The following CSTPP1 variants were observed in gnomAD, a reference collection of about 807,000 sequenced individuals.
CSTPP1 encodes the protein UPF0705 protein C11orf49.
chr11:46,939,500 A>G, the CSTPP1 span, among the ~76,000 whole-genome samples: 1 of 151,992 alleles, frequency 6.6e-6, no homozygotes, highest in Admixed American at 6.6e-5. Flanking sequence ...GATTCAAAGT[A>G]TTTTTTAGGC....
the CSTPP1 span, chr11:47,161,522 C>T: frequency 4.4e-3 from 7,074 of 1,614,176 alleles, 24 homozygotes; most frequent in Non-Finnish European, 4.7e-3. Flanking sequence ...GGCCAGTTGC[C>T]TGCCTTCCCG....
the CSTPP1 span, among the ~76,000 whole-genome samples, chr11:47,119,416 G>A: frequency 6.6e-6 from 1 of 152,126 alleles, no homozygotes; most frequent in South Asian, 2.1e-4. Flanking sequence ...CTTCCTGGGT[G>A]AGGCGACGCC....
At chr11:47,039,670 C>T in the CSTPP1 span, among the ~76,000 whole-genome samples, 1 of 127,806 alleles carries the variant, frequency 7.8e-6, no homozygotes, top group Non-Finnish European at 1.9e-5. Flanking sequence ...AACCCCGTCT[C>T]TACTAAAAAT....
the CSTPP1 span, chr11:47,161,629 G>T: frequency 6.2e-7 from 1 of 1,611,366 alleles, no homozygotes; most frequent in Non-Finnish European, 8.5e-7. Context: ...CAGACGAGTC[G>T]GAGACTTGAG....
At chr11:47,137,727 C>G in the CSTPP1 span, 1 of 1,614,034 alleles carries the variant, frequency 6.2e-7, no homozygotes, top group Non-Finnish European at 8.5e-7. Flanking sequence ...AGAAAGCAGC[C>G]AGGTACGTCT....
chr11:47,061,309 G>T, the CSTPP1 span, among the ~76,000 whole-genome samples: 10 of 152,266 alleles, frequency 6.6e-5, no homozygotes, highest in Non-Finnish European at 1.3e-4. Context: ...TCAGGGAATT[G>T]CAGTGGGTCT....
At chr11:47,023,160 T>A in the CSTPP1 span, among the ~76,000 whole-genome samples, 1 of 152,126 alleles carries the variant, frequency 6.6e-6, no homozygotes, top group Non-Finnish European at 1.5e-5. Flanking sequence ...ACTCAAAAAG[T>A]TTTTGGTTAT....
the CSTPP1 span, among the ~76,000 whole-genome samples, chr11:46,948,805 A>G: frequency 8.5e-5 from 13 of 152,210 alleles, no homozygotes; most frequent in Non-Finnish European, 5.9e-5. Context: ...CAGTGAACAC[A>G]TGAGCTTAAA....
the CSTPP1 span, chr11:46,987,674 G>T: frequency 5.3e-6 from 1 of 190,128 alleles, no homozygotes; most frequent in Non-Finnish European, 1.1e-5. Flanking sequence ...CTTTTCTCAT[G>T]GAATCTAGGC....
the CSTPP1 span, among the ~76,000 whole-genome samples, chr11:47,136,296 A>G: frequency 1.3e-5 from 2 of 151,870 alleles, no homozygotes; most frequent in African/African-American, 4.8e-5. Context: ...CTTTTTCCTC[A>G]CCCCAAGCCT....
the CSTPP1 span, among the ~76,000 whole-genome samples, chr11:47,149,507 G>T: frequency 7.2e-5 from 11 of 152,222 alleles, no homozygotes; most frequent in African/African-American, 4.8e-5. Flanking sequence ...TGTCTGTGGG[G>T]ATAGAAGGGT....
chr11:47,163,236 C>T, the CSTPP1 span, among the ~76,000 whole-genome samples: 2 of 150,892 alleles, frequency 1.3e-5, no homozygotes, highest in Non-Finnish European at 2.9e-5. Flanking sequence ...CAATGATGCA[C>T]AGCCCATAAG....
At chr11:47,118,113 C>T in the CSTPP1 span, among the ~76,000 whole-genome samples, 29 of 152,172 alleles carry the variant, frequency 1.9e-4, no homozygotes, top group African/African-American at 6.0e-4. Flanking sequence ...CCCCCGACCT[C>T]GTGATCCACC....
chr11:46,944,337 T>C, the CSTPP1 span, among the ~76,000 whole-genome samples: 1 of 144,132 alleles, frequency 6.9e-6, no homozygotes, highest in East Asian at 2.0e-4. Flanking sequence ...AAAAAAAAAA[T>C]TGTGCTTGCC....
At chr11:47,096,951 A>AT in the CSTPP1 span, among the ~76,000 whole-genome samples, 1 of 152,342 alleles carries the variant, frequency 6.6e-6, no homozygotes, top group East Asian at 1.9e-4. Flanking sequence ...TGTCCACAAG[A>AT]TTGAGTACTT....
chr11:47,013,115 CAT>C, the CSTPP1 span, among the ~76,000 whole-genome samples: 559 of 141,942 alleles, frequency 3.9e-3, 5 homozygotes, highest in South Asian at 0.027. Flanking sequence ...ATATAAATAA[CAT>C]ATATAATCAT....
chr11:46,941,809 T>C, the CSTPP1 span, among the ~76,000 whole-genome samples: 3 of 152,316 alleles, frequency 2.0e-5, no homozygotes, highest in East Asian at 1.9e-4. Flanking sequence ...ACTATACTTA[T>C]AGAGAAAACA....
the CSTPP1 span, among the ~76,000 whole-genome samples, chr11:46,966,683 T>G: frequency 1.3e-5 from 2 of 152,208 alleles, no homozygotes; most frequent in African/African-American, 4.8e-5. Flanking sequence ...AAGACAACTT[T>G]CATGCTTTTG....
At chr11:47,083,656 C>G in the CSTPP1 span, among the ~76,000 whole-genome samples, 15 of 152,302 alleles carry the variant, frequency 9.8e-5, 2 homozygotes, top group Admixed American at 7.2e-4. Flanking sequence ...GAAATGGTAT[C>G]TCACTATCCT....
Sources: allele counts gnomAD v4.1 joint callset (sites outside exome capture counted in the v4.1 genomes callset), GRCh38; gene constraint gnomAD v4.1.1; transcripts MANE v1.5; gene names NCBI Gene and HGNC (gene_info 2026-07-23, HGNC 2026-07-21).